ABTB3: variants seen among roughly 807,000 people sequenced by gnomAD.
ABTB3 encodes ankyrin repeat and BTB domain containing 3.
At chr12:107,567,461 G>T in the ABTB3 span, among the ~76,000 whole-genome samples, 9 of 152,314 alleles carry the variant, frequency 5.9e-5, no homozygotes, top group East Asian at 1.5e-3. Flanking sequence ...AATATGTTTA[G>T]TTACACAAAT....
the ABTB3 span, among the ~76,000 whole-genome samples, chr12:107,425,753 C>T: frequency 6.6e-6 from 1 of 152,300 alleles, no homozygotes; most frequent in South Asian, 2.1e-4. Context: ...GTGAACCCAG[C>T]GGCCTATGAG....
chr12:107,582,432 T>C, the ABTB3 span, among the ~76,000 whole-genome samples: 1 of 152,198 alleles, frequency 6.6e-6, no homozygotes, highest in Non-Finnish European at 1.5e-5. Context: ...TCCAGAGCCC[T>C]GGGATCATAG....
the ABTB3 span, among the ~76,000 whole-genome samples, chr12:107,397,773 T>G: frequency 6.6e-6 from 1 of 152,190 alleles, no homozygotes; most frequent in Non-Finnish European, 1.5e-5. Flanking sequence ...TTGGAACTTC[T>G]TCTTGTGTGT....
the ABTB3 span, among the ~76,000 whole-genome samples, chr12:107,472,100 C>A: frequency 1.3e-3 from 197 of 152,240 alleles, no homozygotes; most frequent in Non-Finnish European, 2.3e-3. Context: ...CACTGAGGGG[C>A]TCTTGTACAT....
chr12:107,469,990 TTCTTTCTTTCTTTCTTTCTTTCTCTC>T, the ABTB3 span, among the ~76,000 whole-genome samples: 7 of 64,984 alleles, frequency 1.1e-4, 1 homozygote, highest in Non-Finnish European at 2.0e-4. Flanking sequence ...CTTTCTTTCT[TTCTTTCTTTCTTTCTTTCTTTCTCTC>T]TCTCTCTCTC....
the ABTB3 span, among the ~76,000 whole-genome samples, chr12:107,557,114 C>T: frequency 6.6e-6 from 1 of 152,164 alleles, no homozygotes; most frequent in Non-Finnish European, 1.5e-5. Flanking sequence ...TACAGTGATA[C>T]GTTGCTTAAC....
At chr12:107,656,213 A>G in the ABTB3 span, among the ~76,000 whole-genome samples, 3 of 152,036 alleles carry the variant, frequency 2.0e-5, no homozygotes, top group African/African-American at 7.2e-5. Context: ...AGGCAGGAGA[A>G]TCACCTGAGC....
chr12:107,444,103 A>G, the ABTB3 span, among the ~76,000 whole-genome samples: 592 of 152,292 alleles, frequency 3.9e-3, 7 homozygotes, highest in African/African-American at 0.012. Context: ...CCACAGCCTG[A>G]TTGGCTCAGG....
chr12:107,481,119 A>G, the ABTB3 span, among the ~76,000 whole-genome samples: 1 of 152,204 alleles, frequency 6.6e-6, no homozygotes, highest in Admixed American at 6.5e-5. Context: ...GCTATTGACA[A>G]CAAATAATTA....
At chr12:107,504,311 T>A in the ABTB3 span, among the ~76,000 whole-genome samples, 1 of 152,160 alleles carries the variant, frequency 6.6e-6, no homozygotes, top group African/African-American at 2.4e-5. Context: ...GCCATTAACA[T>A]CTACACTACG....
the ABTB3 span, chr12:107,657,544 A>G: frequency 6.2e-7 from 1 of 1,614,222 alleles, no homozygotes; most frequent in Non-Finnish European, 8.5e-7. Flanking sequence ...CATATTGCGA[A>G]GGCTACTTTC....
chr12:107,508,438 CTTTTTTTTTTTTTTTT>C, the ABTB3 span, among the ~76,000 whole-genome samples: 2 of 69,150 alleles, frequency 2.9e-5, no homozygotes, highest in Admixed American at 2.0e-4. Flanking sequence ...AAGATCATTT[CTTTTTTTTTTTTTTTT>C]TTTTTTTTTT....
At chr12:107,402,575 G>T in the ABTB3 span, among the ~76,000 whole-genome samples, 1 of 152,114 alleles carries the variant, frequency 6.6e-6, no homozygotes, top group African/African-American at 2.4e-5. Context: ...GGCTTCCTGG[G>T]GCTTTTTGCT....
chr12:107,428,038 G>A, the ABTB3 span, among the ~76,000 whole-genome samples: 9 of 152,186 alleles, frequency 5.9e-5, no homozygotes, highest in South Asian at 1.5e-3. Flanking sequence ...TGCATCCCAG[G>A]TCCAGCCCTG....
At chr12:107,347,825 G>T in the ABTB3 span, among the ~76,000 whole-genome samples, 2 of 152,132 alleles carry the variant, frequency 1.3e-5, no homozygotes, top group African/African-American at 4.8e-5. Context: ...GGGATCAATT[G>T]TTTACTTCTT....
At chr12:107,530,172 T>C in the ABTB3 span, among the ~76,000 whole-genome samples, 1 of 152,048 alleles carries the variant, frequency 6.6e-6, no homozygotes, top group Non-Finnish European at 1.5e-5. Context: ...GATGGTGAGA[T>C]GGTTAGCTCA....
the ABTB3 span, among the ~76,000 whole-genome samples, chr12:107,423,458 G>A: frequency 3.1e-3 from 468 of 152,258 alleles, 6 homozygotes; most frequent in South Asian, 6.6e-3. Flanking sequence ...CTGAGAGAGC[G>A]GAAAGTCGTA....
chr12:107,424,677 C>G, the ABTB3 span, among the ~76,000 whole-genome samples: 6 of 152,266 alleles, frequency 3.9e-5, no homozygotes, highest in East Asian at 1.2e-3. Context: ...AGTCAAAACT[C>G]TTTTCAGCCC....
At chr12:107,476,543 C>T in the ABTB3 span, among the ~76,000 whole-genome samples, 6 of 151,896 alleles carry the variant, frequency 4.0e-5, no homozygotes, top group African/African-American at 1.5e-4. Flanking sequence ...AAGTACAACT[C>T]GAGTGTCAGG....
Sources: allele counts gnomAD v4.1 joint callset (sites outside exome capture counted in the v4.1 genomes callset), GRCh38; gene constraint gnomAD v4.1.1; transcripts MANE v1.5; gene names NCBI Gene and HGNC (gene_info 2026-07-23, HGNC 2026-07-21).